Variants in FAIM2 observed in about 807,000 individuals in gnomAD.
The protein encoded by FAIM2 is protein lifeguard 2.
A neutral mutation model predicts 47.4 loss-of-function variants in FAIM2; 27 were observed. The observed-to-expected ratio is 0.57, with a 90% CI of 0.42 to 0.78. The LOEUF is 0.78. FAIM2 is among the 30% of genes least tolerant of loss of function. FAIM2 has a pLI of 0.00. For synonymous variants in FAIM2, 156 were observed against 159.3 expected (o/e 0.98, Z 0.16); for missense variants, 311 against 389.4 (o/e 0.80, Z 1.69).
chr12:49,871,157 A>T (rs1239114242), intron 11 of FAIM2, among the ~76,000 whole-genome samples: 1 of 152,220 alleles, frequency 6.6e-6, no homozygotes, highest in Non-Finnish European at 1.5e-5. Flanking sequence ...ACAGCCCATC[A>T]GTGCTACCGA....
At chr12:49,870,917 T>C (rs1946697848) in intron 11 of FAIM2, among the ~76,000 whole-genome samples, 1 of 152,152 alleles carries the variant, frequency 6.6e-6, no homozygotes, top group Non-Finnish European at 1.5e-5. Context: ...GCTTAGAGTC[T>C]AGAGGAAGTA....
chr12:49,889,384 C>A, intron 9 of FAIM2, 97 bp downstream of exon 9: 6 of 1,206,890 alleles, frequency 5.0e-6, no homozygotes, highest in Middle Eastern at 2.3e-4. Context: ...TACTTCTCTC[C>A]CCAGCCCCAG....
chr12:49,898,151 A>C, intron 2 of FAIM2, 61 bp from the exon 3 acceptor site: 2 of 1,141,616 alleles, frequency 1.8e-6, no homozygotes, highest in Non-Finnish European at 2.5e-6. Context: ...TACTGTCCCC[A>C]ACAGCCCCCA....
intron 2 of FAIM2, chr12:49,900,325 A>T: frequency 1.3e-6 from 1 of 778,638 alleles, no homozygotes; most frequent in South Asian, 1.9e-5. Context: ...GTGGGGTGAT[A>T]AAGTGGGAGA....
At position 49,903,251 on chromosome 12, in the gene FAIM2, T is replaced by C. The variant is rs78384484; in HGVS notation, c.15+527A>G. 7.9e-3 allele frequency among the ~76,000 whole-genome samples: 1,206 copies of C among 152,224 alleles called. 18 individuals are homozygous for C. Among genetic ancestry groups the C allele is most frequent in the African/African-American group, 0.028 (1,163 of 41,526 alleles). On this transcript the variant is annotated intron_variant, in intron 1 of 11. Transcript: ENST00000320634. ...ACAATTAGAGCATCTTGATGCAGAG[T>C]TGTCATAGCAAGCCCCAAGCACAGG...
chr12:49,890,741 A>G lies in FAIM2; in HGVS notation c.486-19T>C, dbSNP rs1946894382. 1.9e-6 allele frequency: 3 copies of G among 1,613,374 alleles called. No homozygotes were observed. Among genetic ancestry groups the G allele is most frequent in the Non-Finnish European group, 2.5e-6 (3 of 1,179,486 alleles). ...ATGCCTCCTGCAAGGCAAGCCACAG[A>G]GTTCAGGGGATCGTAGGGGGTGGGG... On this transcript the variant is annotated intron_variant, in intron 6 of 11. Transcript: ENST00000320634.
In FAIM2 at chr12:49,889,192, G is replaced by A. The variant is rs769887096; in HGVS notation, c.662C>T (p.Thr221Ile). 1.9e-6 allele frequency: 3 copies of A among 1,610,590 alleles called. No homozygotes were observed. The highest frequency in any genetic ancestry group is 2.2e-5 in the South Asian group (2 of 90,142). The stretch of plus-strand genomic sequence containing the variant: ...CACGAAGAGCACGCCCTGGCAGGAG[G>A]TGAAGTCGAACTGTGGGGACAGGAT... ...VFSFQTKFDFTSCQGVLFVLL... is the reference protein window; with the variant it reads ...VFSFQTKFDFISCQGVLFVLL... The change falls in exon 10 of 12, where the codon ACC becomes ATC. Residue 221 changes from threonine to isoleucine, a missense_variant. Coordinates refer to ENST00000320634, the MANE Select transcript of FAIM2 (RefSeq NM_012306.4).
Position 49,879,326 on chromosome 12 carries a change from G to A in FAIM2, c.801+8060C>T, listed in dbSNP as rs546263667. Among the ~76,000 whole-genome samples, 200 of 59,258 alleles carry A rather than the reference G, an allele frequency of 3.4e-3. 3 individuals are homozygous for A. The highest frequency in any genetic ancestry group is 0.015 in the South Asian group (29 of 1,978). 38.9% of individuals were successfully genotyped at this position (59,258 alleles called of 152,430 possible). A position where few individuals can be genotyped will look rare whatever the true frequency, so the allele number is the denominator to read the frequency against. On this transcript the variant is annotated intron_variant, in intron 11 of 11. Transcript: ENST00000320634. ...TATGCATGTGCATGTGTATATGTGC[G>A]TGTGTATGTGTTTATGTGTGCATGT...
chr12:49,888,439 GC>G (rs1461349573), intron 10 of FAIM2, among the ~76,000 whole-genome samples: 2 of 152,106 alleles, frequency 1.3e-5, no homozygotes, highest in African/African-American at 4.8e-5. Flanking sequence ...TAAGCACTGG[GC>G]CCCCAGCAGC....
chr12:49,891,940 C>T lies in FAIM2; in HGVS notation c.435-826G>A, dbSNP rs1388700620. Among the ~76,000 whole-genome samples, 5 of 152,244 alleles carry T rather than the reference C, an allele frequency of 3.3e-5. No homozygotes were observed. In the East Asian group the frequency reaches 5.8e-4, roughly 18 times the overall value. ...GATGGCTGGGGACCCAAGGGTGGAG[C>T]TCGCCCATGCCTACCTAGGTTAGCG... On this transcript the variant is annotated intron_variant, in intron 5 of 11. Transcript: ENST00000320634.
At position 49,889,179 on chromosome 12, in the gene FAIM2, G is replaced by T. The variant is rs757416721; in HGVS notation, c.675C>A (p.Gly225=). The T allele has an allele frequency of 6.2e-7, 1 of 1,611,836 alleles. No homozygotes were observed. ...GAGTCATGAGAAGCACGAAGAGCACGCCCTGGCAGGAGGTGAAGTCGAACT... is the reference window on the plus strand; with the variant it reads ...GAGTCATGAGAAGCACGAAGAGCACTCCCTGGCAGGAGGTGAAGTCGAACT... The part of the protein sequence containing the change: ...QTKFDFTSCQ[G]VLFVLLMTLF... The change falls in exon 10 of 12, where the codon GGC becomes GGA. Residue 225 remains glycine (G), a synonymous_variant. Coordinates refer to ENST00000320634, the MANE Select transcript of FAIM2 (RefSeq NM_012306.4).
chr12:49,898,877 T>A (rs1351591030), intron 2 of FAIM2, among the ~76,000 whole-genome samples: 1 of 151,728 alleles, frequency 6.6e-6, no homozygotes, highest in Non-Finnish European at 1.5e-5. Context: ...GGGGACTGGT[T>A]GGCTGTGGTG....
At chr12:49,879,305 C>T (rs1242077970) in intron 11 of FAIM2, among the ~76,000 whole-genome samples, 2 of 94,198 alleles carry the variant, frequency 2.1e-5, no homozygotes, top group East Asian at 4.0e-4. Flanking sequence ...TATGTGTATG[C>T]ATGTGCATGT....
rs1946959792 is a variant in FAIM2 at position 49,898,706 on chromosome 12, T to C, written c.212-616A>G. ...CACGCCTGGCTAATATTTTATATTT[T>C]TAGTAGGGATGGGGTTTCACCATGT... is the stretch of plus-strand genomic sequence containing the variant. On this transcript the variant is annotated intron_variant, in intron 2 of 11. Coordinates refer to ENST00000320634, the MANE Select transcript of FAIM2 (RefSeq NM_012306.4). Among the ~76,000 whole-genome samples the C allele has an allele frequency of 2.0e-5, 3 of 152,070 alleles. No individual in the cohort carries two copies. The South Asian group carries it at 6.2e-4, about 32-fold the overall frequency.
rs201206468 is a variant in FAIM2, at chr12:49,879,112, G to A, written c.801+8274C>T. On this transcript the variant is annotated intron_variant, in intron 11 of 11. Transcript: ENST00000320634. Reference sequence around the variant, plus strand: ...TGTGTGCATGTGAGTGTATGTATGTGCATGTGTATATGTGCATATCTCTGC... The same window carrying A: ...TGTGTGCATGTGAGTGTATGTATGTACATGTGTATATGTGCATATCTCTGC... Among the ~76,000 whole-genome samples, 2 of 136,502 alleles carry A rather than the reference G, an allele frequency of 1.5e-5. 1 individual carries two copies. The highest frequency in any genetic ancestry group is 5.5e-5 in the African/African-American group (2 of 36,238). 89.6% of individuals were successfully genotyped at this position (136,502 alleles called of 152,430 possible).
rs1295345683 is a variant in FAIM2, at chr12:49,899,254, G to A, written c.212-1164C>T. On this transcript the variant is annotated intron_variant, in intron 2 of 11. Coordinates refer to ENST00000320634, the MANE Select transcript of FAIM2 (RefSeq NM_012306.4). ...CACCCTCTCCCATGTGCCCCTCATC[G>A]TGGCCATTTCCAAGTCCTCCAGTGT... 4.6e-5 allele frequency among the ~76,000 whole-genome samples: 7 copies of A among 152,162 alleles called. No individual in the cohort carries two copies. In the East Asian group the frequency reaches 5.8e-4, roughly 13 times the overall value.
At chr12:49,890,239 C>G in intron 7 of FAIM2, 85 bp from the exon 8 acceptor site, 1 of 1,228,400 alleles carries the variant, frequency 8.1e-7, no homozygotes, top group Non-Finnish European at 1.2e-6. Context: ...AGGTCTCCAC[C>G]CCTTGCAGGT....
At chr12:49,879,189 CATGTGTATGTATGTGTATGAGTGTGT>C (rs1946776936) in intron 11 of FAIM2, among the ~76,000 whole-genome samples, 1 of 113,718 alleles carries the variant, frequency 8.8e-6, no homozygotes, top group Non-Finnish European at 1.8e-5. Flanking sequence ...CATGTGTATG[CATGTGTATGTATGTGTATGAGTGTGT>C]ATGTGCATGT....
rs562816607 is a variant in FAIM2, at chr12:49,892,516, T to C, written c.435-1402A>G. On this transcript the variant is annotated intron_variant, in intron 5 of 11. Transcript: ENST00000320634. ...GGCTCTGCCACATCACAGGACCTTA[T>C]TGAGTGCAGTGGATGCTTGTCAGTC... Among the ~76,000 whole-genome samples the C allele has an allele frequency of 7.8e-4, 119 of 152,310 alleles. 2 individuals are homozygous for C. The highest frequency in any genetic ancestry group is 5.5e-3 in the Admixed American group (84 of 15,304).
Sources: allele counts gnomAD v4.1 joint callset (sites outside exome capture counted in the v4.1 genomes callset), GRCh38; gene constraint gnomAD v4.1.1; transcripts MANE v1.5; gene names NCBI Gene and HGNC (gene_info 2026-07-23, HGNC 2026-07-21).